Variants in PTPRM observed in about 807,000 individuals in gnomAD.
The protein encoded by PTPRM is receptor-type tyrosine-protein phosphatase mu.
PTPRM carries 47 observed loss-of-function variants against 186.7 expected under a neutral mutation model. The observed-to-expected ratio is 0.25, with a 90% CI of 0.20 to 0.32. The LOEUF (loss-of-function observed/expected upper bound fraction) is 0.32, where lower values mean the gene tolerates loss of function less well. Among genes scored for constraint, PTPRM ranks in the 10% least tolerant of loss-of-function variants. The probability of loss-of-function intolerance (pLI) is 1.00; values close to 1 mark genes in which losing one functional copy is unlikely to be tolerated. For missense variants in PTPRM, 1,494 were observed against 1,865.0 expected (o/e 0.80, Z 3.66); for synonymous variants, 668 against 674.9 (o/e 0.99, Z 0.16).
chr18:7,752,981 T>G (rs956668570), intron 1 of PTPRM, among the ~76,000 whole-genome samples: 5 of 152,156 alleles, frequency 3.3e-5, no homozygotes, highest in African/African-American at 1.2e-4. Flanking sequence ...TTTAGGAGTT[T>G]AATGATTTGG....
At chr18:7,988,902 G>T (rs1475939878) in intron 7 of PTPRM, among the ~76,000 whole-genome samples, 2 of 151,970 alleles carry the variant, frequency 1.3e-5, no homozygotes, top group Non-Finnish European at 2.9e-5. Context: ...GATTTCTAAG[G>T]GCTTTTGATA....
chr18:7,567,921 G>A lies in PTPRM; in HGVS notation c.73+30G>A, dbSNP rs778482313. On this transcript the variant is annotated intron_variant, in intron 1 of 32. Transcript: ENST00000580170. The surrounding 1 kb of genome is among the most constrained non-coding windows in gnomAD (Gnocchi z 4.3). ...GCGGGACCGCCTCTGCCGCCCCCGAGGCGCGCGGGCCGGCGCGGGACGCCC... is the reference window on the plus strand; with the variant it reads ...GCGGGACCGCCTCTGCCGCCCCCGAAGCGCGCGGGCCGGCGCGGGACGCCC... The A allele has an allele frequency of 6.5e-7, 1 of 1,534,170 alleles. No homozygotes were observed. Among genetic ancestry groups the A allele is most frequent in the South Asian group, 1.2e-5 (1 of 83,344 alleles).
At chr18:8,234,395 T>G (rs959300484) in intron 14 of PTPRM, among the ~76,000 whole-genome samples, 2 of 152,222 alleles carry the variant, frequency 1.3e-5, no homozygotes, top group Non-Finnish European at 2.9e-5. Flanking sequence ...TCATTGCTGG[T>G]ATATAGGAAA....
At chr18:7,852,342 C>T (rs948203192) in intron 2 of PTPRM, among the ~76,000 whole-genome samples, 6 of 152,010 alleles carry the variant, frequency 3.9e-5, no homozygotes, top group African/African-American at 7.2e-5. Flanking sequence ...TTTAGGAGGC[C>T]GAGGTGGGAG....
At chr18:8,020,823 T>C in intron 7 of PTPRM, among the ~76,000 whole-genome samples, 1 of 152,246 alleles carries the variant, frequency 6.6e-6, no homozygotes, top group South Asian at 2.1e-4. Flanking sequence ...TTGCATGTCG[T>C]TTCTGTGCAG....
intron 7 of PTPRM, among the ~76,000 whole-genome samples, chr18:8,062,773 G>A: frequency 2.3e-5 from 2 of 88,162 alleles, no homozygotes; most frequent in African/African-American, 1.2e-4. Context: ...GCTGCTCGGG[G>A]GTCAGGGGTC....
At chr18:7,805,317 C>A (rs2044179063) in intron 2 of PTPRM, among the ~76,000 whole-genome samples, 1 of 152,170 alleles carries the variant, frequency 6.6e-6, no homozygotes, top group Non-Finnish European at 1.5e-5. Context: ...ACACTCTCAC[C>A]ACAGCTCATC....
chr18:8,330,154 A>G (rs2095404091), intron 22 of PTPRM, among the ~76,000 whole-genome samples: 1 of 152,142 alleles, frequency 6.6e-6, no homozygotes, highest in Non-Finnish European at 1.5e-5. Flanking sequence ...CATTTTACAG[A>G]AGAAAAAATA....
intron 13 of PTPRM, among the ~76,000 whole-genome samples, chr18:8,127,783 A>G (rs188895875): frequency 2.8e-4 from 43 of 152,190 alleles, no homozygotes; most frequent in African/African-American, 1.0e-3. Flanking sequence ...CATTGTTTCC[A>G]TCGATGCGCT....
At chr18:7,941,495 T>G (rs1599638798) in intron 5 of PTPRM, among the ~76,000 whole-genome samples, 1 of 152,264 alleles carries the variant, frequency 6.6e-6, no homozygotes. Context: ...ACATTTATTT[T>G]TATTGATGTT....
At chr18:8,286,671 C>G (rs1220902409) in intron 19 of PTPRM, among the ~76,000 whole-genome samples, 2 of 152,118 alleles carry the variant, frequency 1.3e-5, no homozygotes, top group Non-Finnish European at 1.5e-5. Flanking sequence ...TTATAAAGTT[C>G]CATACAAGTG....
intron 14 of PTPRM, among the ~76,000 whole-genome samples, chr18:8,172,911 A>ACAC (rs1238393297): frequency 3.3e-5 from 5 of 152,268 alleles, no homozygotes; most frequent in African/African-American, 1.2e-4. Context: ...TGATGCATGA[A>ACAC]ACAATGTTCA....
At chr18:8,024,681 CTTT>C (rs397724573) in intron 7 of PTPRM, among the ~76,000 whole-genome samples, 1 of 124,828 alleles carries the variant, frequency 8.0e-6, no homozygotes, top group Non-Finnish European at 1.6e-5. Context: ...AAACCCAAAT[CTTT>C]TTTTTTTTTT....
At chr18:7,828,105 G>A (rs1433911233) in intron 2 of PTPRM, among the ~76,000 whole-genome samples, 1 of 152,176 alleles carries the variant, frequency 6.6e-6, no homozygotes, top group African/African-American at 2.4e-5. Context: ...TGTGTTTAAT[G>A]TTTATATGTG....
intron 7 of PTPRM, among the ~76,000 whole-genome samples, chr18:8,026,627 T>C (rs142558090): frequency 0.013 from 2,021 of 152,218 alleles, 34 homozygotes; most frequent in African/African-American, 0.045. Flanking sequence ...GAGGCCAAAG[T>C]GGGTGGATCA....
At chr18:7,693,959 T>G (rs1440111228) in intron 1 of PTPRM, among the ~76,000 whole-genome samples, 1 of 152,142 alleles carries the variant, frequency 6.6e-6, no homozygotes, top group Non-Finnish European at 1.5e-5. Flanking sequence ...AATGGAGCAA[T>G]TCTGTGGTGC....
At chr18:8,017,523 C>T (rs1028895973) in intron 7 of PTPRM, among the ~76,000 whole-genome samples, 7 of 131,108 alleles carry the variant, frequency 5.3e-5, no homozygotes, top group African/African-American at 2.1e-4. Flanking sequence ...GCAGAGGTTG[C>T]AGTGAGCCGA....
intron 1 of PTPRM, among the ~76,000 whole-genome samples, chr18:7,605,072 A>C (rs2037497158): frequency 6.6e-6 from 1 of 152,192 alleles, no homozygotes. Context: ...AAGTAAGTTT[A>C]ATCTCTGGCA....
intron 14 of PTPRM, among the ~76,000 whole-genome samples, chr18:8,222,890 C>T (rs955876755): frequency 3.3e-5 from 5 of 150,176 alleles, no homozygotes; most frequent in Admixed American, 6.8e-5. Flanking sequence ...GAGTTCGAGA[C>T]CAGCTTGGGC....
Sources: gnomAD v4.1 joint callset for allele counts (sites outside exome capture counted in the v4.1 genomes callset) on GRCh38, gnomAD v4.1.1 for gene constraint, Gnocchi (gnomAD v3.1) non-coding constraint, MANE v1.5 for transcripts, NCBI Gene and HGNC (gene_info 2026-07-23, HGNC 2026-07-21) for gene names.